The following MED13 variants were observed in gnomAD, a reference collection of about 807,000 sequenced individuals.
MED13 encodes the protein mediator of RNA polymerase II transcription subunit 13.
MED13 carries 23 observed loss-of-function variants against 225.2 expected under a neutral mutation model. The observed-to-expected ratio is 0.10, with a 90% CI of 0.07 to 0.14. The LOEUF (loss-of-function observed/expected upper bound fraction) is 0.14, where lower values mean the gene tolerates loss of function less well. Among genes scored for constraint, MED13 ranks in the 10% least tolerant of loss-of-function variants. The probability of loss-of-function intolerance (pLI) is 1.00; values close to 1 mark genes in which losing one functional copy is unlikely to be tolerated. For missense variants in MED13, 2,197 were observed against 2,594.5 expected (o/e 0.85, Z 3.33); for synonymous variants, 942 against 889.2 (o/e 1.06, Z -1.06).
intron 8 of MED13, among the ~76,000 whole-genome samples, chr17:62,012,046 G>A (rs563540485): frequency 5.6e-4 from 85 of 151,732 alleles, no homozygotes; most frequent in Non-Finnish European, 1.1e-3. Context: ...GTAAAACCCC[G>A]TCCTTACAAA....
chr17:62,021,521 C>T lies in MED13; in HGVS notation c.1283+8020G>A, dbSNP rs527740539. 1.4e-3 allele frequency among the ~76,000 whole-genome samples: 218 copies of T among 152,284 alleles called. 1 individual carries two copies. Among genetic ancestry groups the T allele is most frequent in the Middle Eastern group, 3.4e-3 (1 of 294 alleles). ...GCAGAGGCGCCCCTCACCTCCCGGA[C>T]GGGGCGAGCAGCCTGCTTTCTATGT... On this transcript the variant is annotated intron_variant, in intron 8 of 29. Coordinates refer to ENST00000397786, the MANE Select transcript of MED13 (RefSeq NM_005121.3).
intron 15 of MED13, 82 bp from the exon 16 acceptor site, chr17:61,983,196 C>T (rs1025540834): frequency 8.9e-7 from 1 of 1,127,156 alleles, no homozygotes; most frequent in African/African-American, 1.6e-5. Flanking sequence ...AAAAACGTCC[C>T]AAATGTTTTT....
intron 28 of MED13, among the ~76,000 whole-genome samples, chr17:61,949,814 A>G (rs1162595517): frequency 6.6e-6 from 1 of 151,912 alleles, no homozygotes; most frequent in Non-Finnish European, 1.5e-5. Context: ...CAGTCTCCCA[A>G]ATAGCTAATT....
chr17:62,060,978 C>T (rs931276687), intron 2 of MED13, among the ~76,000 whole-genome samples: 6 of 151,986 alleles, frequency 3.9e-5, no homozygotes, highest in East Asian at 3.9e-4. Flanking sequence ...GGATTACAGG[C>T]GTGAGTGAGC....
chr17:62,036,849 G>GT (rs747376794), intron 3 of MED13: 11 of 152,216 alleles, frequency 7.2e-5, no homozygotes, highest in Non-Finnish European at 1.5e-4. Flanking sequence ...TCTGAAGGTA[G>GT]TGAGTTACCT....
At chr17:61,965,807 C>A (rs1400007440) in intron 19 of MED13, among the ~76,000 whole-genome samples, 1 of 152,086 alleles carries the variant, frequency 6.6e-6, no homozygotes, top group African/African-American at 2.4e-5. Flanking sequence ...TTCTAAATCA[C>A]AAATCAAATA....
At chr17:62,061,695 G>A (rs1211123905) in intron 2 of MED13, among the ~76,000 whole-genome samples, 1 of 152,158 alleles carries the variant, frequency 6.6e-6, no homozygotes, top group East Asian at 1.9e-4. Context: ...GAGGCTGGCG[G>A]ACTTAGCTTT....
chr17:61,964,903 T>C (rs1241968066), intron 20 of MED13, 103 bp downstream of exon 20: 5 of 1,122,598 alleles, frequency 4.5e-6, no homozygotes, highest in Non-Finnish European at 3.7e-6. Flanking sequence ...ACCACTGCAG[T>C]ACAGCCTGCG....
chr17:62,062,535 TAATCA>T (rs771119503), intron 2 of MED13, among the ~76,000 whole-genome samples: 23 of 151,814 alleles, frequency 1.5e-4, no homozygotes, highest in Non-Finnish European at 2.9e-5. Context: ...CTTCATAAGT[TAATCA>T]AATAGCACAA....
At chr17:62,030,057 G>T in intron 6 of MED13, 44 bp from the exon 7 acceptor site, 1 of 1,397,470 alleles carries the variant, frequency 7.2e-7, no homozygotes, top group Non-Finnish European at 9.4e-7. Flanking sequence ...AATAAAGGTA[G>T]GTTTAAAGTA....
At chr17:61,957,934 A>G (rs372510858) in intron 23 of MED13, among the ~76,000 whole-genome samples, 86 of 150,806 alleles carry the variant, frequency 5.7e-4, no homozygotes, top group African/African-American at 2.0e-3. Context: ...GTGCGATCTC[A>G]GCTCACTGCA....
At chr17:62,023,559 T>C (rs1279956692) in intron 8 of MED13, among the ~76,000 whole-genome samples, 1 of 152,208 alleles carries the variant, frequency 6.6e-6, no homozygotes, top group Non-Finnish European at 1.5e-5. Context: ...GGAAAGACCC[T>C]GGCTTCTTCC....
intron 2 of MED13, among the ~76,000 whole-genome samples, chr17:62,058,213 A>T (rs564123006): frequency 5.5e-4 from 84 of 152,272 alleles, no homozygotes; most frequent in African/African-American, 1.9e-3. Flanking sequence ...GCTACAAAAT[A>T]CAATTTTTAA....
intron 2 of MED13, among the ~76,000 whole-genome samples, chr17:62,060,556 G>C (rs373299042): frequency 6.7e-6 from 1 of 148,886 alleles, no homozygotes; most frequent in East Asian, 2.1e-4. Flanking sequence ...CCAGGAGGCA[G>C]AGCTTGCAGC....
intron 8 of MED13, among the ~76,000 whole-genome samples, chr17:62,020,023 T>C (rs908062610): frequency 1.3e-5 from 2 of 151,848 alleles, no homozygotes; most frequent in Non-Finnish European, 2.9e-5. Flanking sequence ...GGATTACAGG[T>C]GTGAACCACT....
At chr17:61,974,107 G>A (rs1458072786) in intron 16 of MED13, among the ~76,000 whole-genome samples, 7 of 152,082 alleles carry the variant, frequency 4.6e-5, no homozygotes, top group African/African-American at 1.4e-4. Context: ...ATACTACTTA[G>A]TAGTTGAAAA....
chr17:62,024,650 A>G (rs774844205), intron 8 of MED13, among the ~76,000 whole-genome samples: 1 of 152,122 alleles, frequency 6.6e-6, no homozygotes. Context: ...GTATTAAAGG[A>G]CTAGTATCCA....
chr17:62,026,186 T>C (rs1241185417), intron 8 of MED13, among the ~76,000 whole-genome samples: 1 of 152,136 alleles, frequency 6.6e-6, no homozygotes, highest in Non-Finnish European at 1.5e-5. Context: ...AATAATAAAC[T>C]CTAGGCAACA....
rs764530614 is a variant in MED13, at chr17:62,043,156, CAAAAAAAAAAA to C, written c.471-7559_471-7549del. Among the ~76,000 whole-genome samples the C allele has an allele frequency of 2.0e-3, 63 of 31,676 alleles. 1 individual carries two copies. Among genetic ancestry groups the C allele is most frequent in the African/African-American group, 5.9e-3 (56 of 9,470 alleles). 20.8% of individuals were successfully genotyped at this position (31,676 alleles called of 152,430 possible). A position where few individuals can be genotyped will look rare whatever the true frequency, so the allele number is the denominator to read the frequency against. ...AGGAGACAAAGCAAGACCCTGTCTC[CAAAAAAAAAAA>C]AAAAAAAAAAAAAAAAAGAAAGAAA... On this transcript the variant is annotated intron_variant, in intron 3 of 29. Transcript: ENST00000397786.
Sources: allele counts gnomAD v4.1 joint callset (sites outside exome capture counted in the v4.1 genomes callset), GRCh38; gene constraint gnomAD v4.1.1; transcripts MANE v1.5; gene names NCBI Gene and HGNC (gene_info 2026-07-23, HGNC 2026-07-21).